Variants in CEP85L observed in about 807,000 individuals in gnomAD.
CEP85L encodes the protein centrosomal protein of 85 kDa-like.
A neutral mutation model predicts 100.3 loss-of-function variants in CEP85L; 60 were observed. That is an observed-to-expected ratio of 0.60 (90% CI 0.49 to 0.74). CEP85L has a LOEUF of 0.74. CEP85L is among the 30% of genes least tolerant of loss of function. The pLI, the probability that CEP85L is intolerant of heterozygous loss-of-function variation, is 0.00. For synonymous variants in CEP85L, 319 were observed against 322.7 expected, an observed-to-expected ratio of 0.99 and a Z score of 0.12; for missense variants, 973 against 936.2, an observed-to-expected ratio of 1.04 and a Z score of -0.51.
At chr6:118,482,769 A>G (rs1773882528) in intron 7 of CEP85L, among the ~76,000 whole-genome samples, 3 of 152,094 alleles carry the variant, frequency 2.0e-5, no homozygotes, top group Admixed American at 2.0e-4. Flanking sequence ...TGCTCATGCA[A>G]CCTCCTGCAG....
intron 1 of CEP85L, among the ~76,000 whole-genome samples, chr6:118,682,248 C>T (rs561400945): frequency 6.6e-6 from 1 of 152,168 alleles, no homozygotes; most frequent in East Asian, 1.9e-4. Flanking sequence ...GAAAAACAAT[C>T]AAAGAAAAAT....
intron 1 of CEP85L, among the ~76,000 whole-genome samples, chr6:118,699,240 C>T (rs1777317116): frequency 6.6e-6 from 1 of 151,922 alleles, no homozygotes; most frequent in Non-Finnish European, 1.5e-5. Context: ...ATCACTTTAG[C>T]CCAGGAGTTT....
chr6:118,503,564 C>A (rs183640940), intron 5 of CEP85L, among the ~76,000 whole-genome samples: 1 of 152,084 alleles, frequency 6.6e-6, no homozygotes, highest in Admixed American at 6.6e-5. Flanking sequence ...GTAATCAAAA[C>A]AATGTGGTAT....
At chr6:118,671,897 A>G (rs1272429348) in intron 1 of CEP85L, among the ~76,000 whole-genome samples, 1 of 152,190 alleles carries the variant, frequency 6.6e-6, no homozygotes, top group Non-Finnish European at 1.5e-5. Context: ...AGATGGTGCC[A>G]CTGAACTCCA....
intron 10 of CEP85L, among the ~76,000 whole-genome samples, chr6:118,477,828 T>C (rs1773497660): frequency 6.6e-6 from 1 of 152,090 alleles, no homozygotes; most frequent in Non-Finnish European, 1.5e-5. Context: ...ATTAATACTA[T>C]AGTGATAGTC....
At chr6:118,580,108 C>T (rs1780483601) in intron 2 of CEP85L, among the ~76,000 whole-genome samples, 1 of 152,198 alleles carries the variant, frequency 6.6e-6, no homozygotes, top group Non-Finnish European at 1.5e-5. Flanking sequence ...CCTCCAGCCT[C>T]CTAATATAAA....
intron 2 of CEP85L, among the ~76,000 whole-genome samples, chr6:118,620,955 C>A (rs555104178): frequency 6.6e-6 from 1 of 152,124 alleles, no homozygotes; most frequent in Non-Finnish European, 1.5e-5. Context: ...ATACGGGGGA[C>A]AAATTACCCA....
chr6:118,496,604 C>A (rs544394171), intron 5 of CEP85L, among the ~76,000 whole-genome samples: 7 of 152,076 alleles, frequency 4.6e-5, no homozygotes, highest in African/African-American at 1.4e-4. Flanking sequence ...CCACCCACCT[C>A]GGCCTCCCAA....
At chr6:118,584,101 G>A (rs1048661796) in intron 2 of CEP85L, among the ~76,000 whole-genome samples, 1 of 152,176 alleles carries the variant, frequency 6.6e-6, no homozygotes, top group Non-Finnish European at 1.5e-5. Context: ...ACCTCTCTGA[G>A]TTCTCTCAAC....
At chr6:118,667,741 A>G (rs959682215) in intron 1 of CEP85L, among the ~76,000 whole-genome samples, 2 of 152,046 alleles carry the variant, frequency 1.3e-5, no homozygotes, top group African/African-American at 4.8e-5. Flanking sequence ...TCGTAAACCT[A>G]GGTCATTACT....
intron 3 of CEP85L, among the ~76,000 whole-genome samples, chr6:118,525,589 C>T (rs1773733322): frequency 6.6e-6 from 1 of 152,184 alleles, no homozygotes; most frequent in African/African-American, 2.4e-5. Context: ...TGGAATGACA[C>T]ATCTACAAGA....
At chr6:118,641,193 TTC>T (rs539670961) in intron 1 of CEP85L, among the ~76,000 whole-genome samples, 29 of 152,326 alleles carry the variant, frequency 1.9e-4, no homozygotes, top group African/African-American at 7.0e-4. Flanking sequence ...TGTCACCAGC[TTC>T]TCTCTTAATA....
intron 1 of CEP85L, among the ~76,000 whole-genome samples, chr6:118,696,105 T>C (rs1041803380): frequency 6.6e-6 from 1 of 152,032 alleles, no homozygotes; most frequent in African/African-American, 2.4e-5. Context: ...AACCTGTCTC[T>C]ACTAAAAATA....
chr6:118,602,803 T>C (rs915450715), intron 2 of CEP85L, among the ~76,000 whole-genome samples: 7 of 152,038 alleles, frequency 4.6e-5, no homozygotes, highest in African/African-American at 7.2e-5. Context: ...CTCTGTTCCA[T>C]AGATGGAATT....
chr6:118,666,036 G>C (rs1776123007), intron 1 of CEP85L, among the ~76,000 whole-genome samples: 1 of 152,116 alleles, frequency 6.6e-6, no homozygotes, highest in East Asian at 1.9e-4. Flanking sequence ...TTTAACTTTT[G>C]GTAAAAGGTA....
At chr6:118,602,757 T>G (rs1781848417) in intron 2 of CEP85L, among the ~76,000 whole-genome samples, 1 of 152,180 alleles carries the variant, frequency 6.6e-6, no homozygotes, top group Admixed American at 6.5e-5. Context: ...TAATTATTTT[T>G]GACATAAGCT....
rs115035569 is a variant in CEP85L at position 118,487,505 on chromosome 6, A to T, written c.1438-3647T>A. On this transcript the variant is annotated intron_variant, in intron 6 of 12. Coordinates refer to ENST00000368491, the MANE Select transcript of CEP85L (RefSeq NM_001042475.3). ...TCCCTTTTTAAGAAATCCAAAAATT[A>T]GTCAAGAAGCTATTGTACTCTGGGT... 3.7e-3 allele frequency among the ~76,000 whole-genome samples: 563 copies of T among 152,024 alleles called. 3 individuals are homozygous for T. The highest frequency in any genetic ancestry group is 0.013 in the African/African-American group (537 of 41,258).
At position 118,591,249 on chromosome 6, in the gene CEP85L, T is replaced by C. The variant is rs563119576; in HGVS notation, c.233-24933A>G. ...GAACCTAAGGCCAATTCACGCTGAC[T>C]TCCTAGAACTAAATTAAGATGAAAA... On this transcript the variant is annotated intron_variant, in intron 2 of 12. Transcript: ENST00000368491. Among the ~76,000 whole-genome samples the C allele has an allele frequency of 6.6e-5, 10 of 152,282 alleles. No homozygotes were observed. In the South Asian group the frequency reaches 8.3e-4, roughly 13 times the overall value.
At chr6:118,533,066 C>G (rs1486986186) in intron 3 of CEP85L, among the ~76,000 whole-genome samples, 1 of 151,960 alleles carries the variant, frequency 6.6e-6, no homozygotes, top group Admixed American at 6.6e-5. Flanking sequence ...AGCTCTCAAC[C>G]TAAGCTTCCA....
Sources: gnomAD v4.1 joint callset for allele counts (sites outside exome capture counted in the v4.1 genomes callset) on GRCh38, gnomAD v4.1.1 for gene constraint, MANE v1.5 for transcripts, NCBI Gene and HGNC (gene_info 2026-07-23, HGNC 2026-07-21) for gene names.